Variants in PAK6 observed in about 807,000 individuals in gnomAD.
The protein encoded by PAK6 is serine/threonine-protein kinase PAK 6.
A neutral mutation model predicts 60.8 loss-of-function variants in PAK6; 33 were observed. That is an observed-to-expected ratio of 0.54 (90% CI 0.41 to 0.73). The LOEUF is 0.73. Ranked by LOEUF, PAK6 falls within the 30% of genes least tolerant of loss-of-function variation. The probability of loss-of-function intolerance (pLI) is 0.00; values close to 1 mark genes in which losing one functional copy is unlikely to be tolerated. For missense variants in PAK6, 845 were observed against 904.1 expected (o/e 0.93, Z 0.84); for synonymous variants, 404 against 378.5 (o/e 1.07, Z -0.78).
exon 11 of PAK6, chr15:40,276,764 G>GTGTGTGTGTT (rs2039467888): frequency 6.6e-6 from 1 of 152,124 alleles, no homozygotes; most frequent in Non-Finnish European, 1.5e-5. Flanking sequence ...GTGTGTGTGT[G>GTGTGTGTGTT]TGTGTGTGTG....
chr15:40,260,690 TTTTG>T (rs1463240032), intron 3 of PAK6, among the ~76,000 whole-genome samples: 6 of 152,234 alleles, frequency 3.9e-5, no homozygotes, highest in African/African-American at 1.4e-4. Context: ...TATGCTGGGA[TTTTG>T]TTTGAGATTT....
chr15:40,241,258 GC>G (rs1266212851), intron 2 of PAK6, among the ~76,000 whole-genome samples: 3 of 152,170 alleles, frequency 2.0e-5, no homozygotes, highest in African/African-American at 7.2e-5. Flanking sequence ...AAAGCACTGG[GC>G]CCCACCGGGA....
At chr15:40,264,742 T>C (rs376163983) in intron 3 of PAK6, 39 bp from the exon 4 acceptor site, 258 of 1,591,294 alleles carry the variant, frequency 1.6e-4, no homozygotes, top group Non-Finnish European at 2.1e-4. Flanking sequence ...GCCACCCCTC[T>C]TTCCCGGGAG....
At chr15:40,275,280 G>GTTTTCTTTTTTTTTTTTT (rs1448905930) in intron 10 of PAK6, among the ~76,000 whole-genome samples, 9 of 56,486 alleles carry the variant, frequency 1.6e-4, no homozygotes, top group Non-Finnish European at 2.5e-4. Context: ...GTTGTTGTTG[G>GTTTTCTTTTTTTTTTTTT]TTTTTTTTTT....
At chr15:40,266,332 G>T (rs745313213) in exon 5 of PAK6, 2 of 1,612,266 alleles carry the variant, frequency 1.2e-6, no homozygotes, top group East Asian at 2.2e-5. Context: ...CCACAGTCCT[G>T]CCTGGTGGGC....
intron 3 of PAK6, among the ~76,000 whole-genome samples, chr15:40,256,208 G>A (rs1211098815): frequency 1.3e-5 from 2 of 152,282 alleles, no homozygotes; most frequent in East Asian, 3.9e-4. Flanking sequence ...CTGGGCGACT[G>A]AGTGAGACTC....
rs980733153 is a variant in PAK6 at position 40,272,689 on chromosome 15, A to T, written c.1324A>T (p.Lys442Ter). 6.2e-7 allele frequency: 1 copy of T among 1,600,326 alleles called. No homozygotes were observed. Among genetic ancestry groups the T allele is most frequent in the Non-Finnish European group, 8.5e-7 (1 of 1,176,080 alleles). The change falls in exon 6 of 11, where the codon AAG (lysine) becomes TAG (stop). Residue 442 changes from lysine to a stop codon, truncating the protein, a stop_gained. Transcript: ENST00000560346. LOFTEE classifies it high-confidence loss of function. Reference sequence around the variant, plus strand: ...GGCCGTCAAGATGATGGACCTCAGGAAGCAGCAGCGCAGGGAGCTGCTCTT... The same window carrying T: ...GGCCGTCAAGATGATGGACCTCAGGTAGCAGCAGCGCAGGGAGCTGCTCTT...
intron 5 of PAK6, among the ~76,000 whole-genome samples, chr15:40,269,316 A>C (rs1238043512): frequency 6.6e-6 from 1 of 152,166 alleles, no homozygotes; most frequent in African/African-American, 2.4e-5. Flanking sequence ...CCACCATGCC[A>C]GGCCGGCTTT....
chr15:40,247,758 G>T (rs76685399), intron 2 of PAK6, among the ~76,000 whole-genome samples: 1 of 152,150 alleles, frequency 6.6e-6, no homozygotes, highest in East Asian at 1.9e-4. Context: ...GCTACCCCCT[G>T]GCGCTGGGCT....
intron 10 of PAK6, among the ~76,000 whole-genome samples, 191 bp downstream of exon 10, chr15:40,274,467 C>A (rs979292483): frequency 2.6e-5 from 4 of 152,228 alleles, no homozygotes; most frequent in African/African-American, 9.6e-5. Context: ...TTCGCATGTG[C>A]GCTCCGACAA....
chr15:40,265,424 A>C (rs1210926148), intron 4 of PAK6, among the ~76,000 whole-genome samples: 1 of 152,188 alleles, frequency 6.6e-6, no homozygotes, highest in Non-Finnish European at 1.5e-5. Flanking sequence ...CAGGGTTTGG[A>C]GGCTGCGAAG....
chr15:40,257,877 C>G (rs369932738), intron 3 of PAK6, among the ~76,000 whole-genome samples: 2 of 152,162 alleles, frequency 1.3e-5, no homozygotes, highest in African/African-American at 2.4e-5. Context: ...CTGGGAATCC[C>G]CTTGTCTCTG....
chr15:40,272,088 C>T, intron 5 of PAK6, 136 bp from the exon 6 acceptor site: 1 of 921,394 alleles, frequency 1.1e-6, no homozygotes. Flanking sequence ...TTGCTCAGAG[C>T]ACCTCCCTAG....
exon 11 of PAK6, chr15:40,276,207 A>C: frequency 9.4e-7 from 1 of 1,069,456 alleles, no homozygotes. Flanking sequence ...CAAAGATTGA[A>C]ATGTGAAGCC....
exon 6 of PAK6, chr15:40,272,618 C>T (rs1443748950): frequency 1.2e-6 from 2 of 1,611,498 alleles, no homozygotes; most frequent in Non-Finnish European, 1.7e-6. Flanking sequence ...GAGGGCTCCA[C>T]CGGCATCGTC....
intron 4 of PAK6, among the ~76,000 whole-genome samples, 159 bp downstream of exon 4, chr15:40,265,148 CT>C (rs1304275009): frequency 1.3e-5 from 2 of 152,222 alleles, no homozygotes; most frequent in Non-Finnish European, 2.9e-5. Flanking sequence ...CATTCTCTCC[CT>C]GGGTAAGCCA....
chr15:40,243,094 G>A (rs961986720), intron 2 of PAK6, among the ~76,000 whole-genome samples: 16 of 152,182 alleles, frequency 1.1e-4, no homozygotes, highest in African/African-American at 2.2e-4. Flanking sequence ...CCAACTCATC[G>A]CTGAAGTTGG....
At chr15:40,244,788 G>A (rs1186363806) in intron 2 of PAK6, 1 of 152,178 alleles carries the variant, frequency 6.6e-6, no homozygotes, top group Non-Finnish European at 1.5e-5. Flanking sequence ...CAACCCCAGA[G>A]CATGACAGGC....
At chr15:40,248,305 G>A (rs970695876) in intron 2 of PAK6, among the ~76,000 whole-genome samples, 1 of 152,228 alleles carries the variant, frequency 6.6e-6, no homozygotes, top group South Asian at 2.1e-4. Flanking sequence ...GTCCCATCAG[G>A]GTGAGGAGCA....
Sources: gnomAD v4.1 joint callset for allele counts (sites outside exome capture counted in the v4.1 genomes callset) on GRCh38, gnomAD v4.1.1 for gene constraint, MANE v1.5 for transcripts, NCBI Gene and HGNC (gene_info 2026-07-23, HGNC 2026-07-21) for gene names.